CDH13: variants seen among roughly 807,000 people sequenced by gnomAD.
CDH13 encodes the protein cadherin-13.
Under a neutral mutation model 63.8 loss-of-function variants are expected in CDH13, and 24 were observed. That is an observed-to-expected ratio of 0.38 (90% CI 0.27 to 0.53). The LOEUF is 0.53. Among genes scored for constraint, CDH13 ranks in the 20% least tolerant of loss-of-function variants. The probability of loss-of-function intolerance (pLI) is 0.85; values close to 1 mark genes in which losing one functional copy is unlikely to be tolerated. For synonymous variants in CDH13, 503 were observed against 355.3 expected (o/e 1.42, Z -4.67); for missense variants, 1,049 against 903.1 (o/e 1.16, Z -2.07).
At chr16:83,399,659 C>T (rs1021533711) in intron 6 of CDH13, among the ~76,000 whole-genome samples, 1 of 152,200 alleles carries the variant, frequency 6.6e-6, no homozygotes, top group African/African-American at 2.4e-5. Context: ...GGCCATGCAG[C>T]TTTCTCCTTG....
At chr16:83,573,688 G>A (rs1469205623) in intron 7 of CDH13, among the ~76,000 whole-genome samples, 1 of 152,164 alleles carries the variant, frequency 6.6e-6, no homozygotes, top group Admixed American at 6.5e-5. Context: ...GGAAGCCCAA[G>A]TTTTGTCAAT....
chr16:82,734,235 G>A (rs1004642871), intron 1 of CDH13, among the ~76,000 whole-genome samples: 4 of 152,166 alleles, frequency 2.6e-5, no homozygotes, highest in African/African-American at 9.7e-5. Context: ...TGCACTATCT[G>A]TGTCTGTTTT....
At chr16:83,525,086 C>T (rs932154063) in intron 7 of CDH13, among the ~76,000 whole-genome samples, 1 of 152,148 alleles carries the variant, frequency 6.6e-6, no homozygotes, top group Non-Finnish European at 1.5e-5. Context: ...CGGCAATTTA[C>T]TTGTAATGAA....
intron 3 of CDH13, among the ~76,000 whole-genome samples, chr16:83,112,380 C>T (rs1456073442): frequency 6.6e-6 from 1 of 152,078 alleles, no homozygotes; most frequent in Non-Finnish European, 1.5e-5. Context: ...GAGACAGAGA[C>T]ACAGAAAGAC....
intron 13 of CDH13, among the ~76,000 whole-genome samples, chr16:83,786,931 G>C (rs1237275764): frequency 2.0e-5 from 3 of 152,088 alleles, no homozygotes; most frequent in Non-Finnish European, 4.4e-5. Context: ...TACAGGCAAA[G>C]GTAAAATTGC....
intron 7 of CDH13, among the ~76,000 whole-genome samples, chr16:83,580,790 C>A (rs1905522150): frequency 6.6e-6 from 1 of 152,080 alleles, no homozygotes; most frequent in Non-Finnish European, 1.5e-5. Flanking sequence ...CCACACCCAG[C>A]CTGTTCATTT....
chr16:83,482,788 A>G (rs940156758), intron 6 of CDH13, among the ~76,000 whole-genome samples: 3 of 152,204 alleles, frequency 2.0e-5, no homozygotes, highest in Admixed American at 6.5e-5. Flanking sequence ...TATCCACAGT[A>G]GAAACCCAGA....
At chr16:83,484,170 G>A (rs1216983352) in intron 6 of CDH13, among the ~76,000 whole-genome samples, 3 of 152,192 alleles carry the variant, frequency 2.0e-5, no homozygotes, top group Non-Finnish European at 4.4e-5. Flanking sequence ...CTGATACTCT[G>A]ATTCCAGTGG....
At chr16:83,182,212 G>A (rs1221093924) in intron 4 of CDH13, among the ~76,000 whole-genome samples, 2 of 152,268 alleles carry the variant, frequency 1.3e-5, no homozygotes, top group Admixed American at 6.5e-5. Context: ...TGCTAGTCAC[G>A]CCTTACATCA....
intron 5 of CDH13, among the ~76,000 whole-genome samples, chr16:83,256,844 CAAAAAA>C (rs57312967): frequency 3.8e-5 from 3 of 78,712 alleles, no homozygotes; most frequent in African/African-American, 4.8e-5. Flanking sequence ...GACTCCATCT[CAAAAAA>C]AAAAAAAAAA....
intron 3 of CDH13, among the ~76,000 whole-genome samples, chr16:83,072,523 G>A (rs373985393): frequency 1.3e-5 from 2 of 152,144 alleles, no homozygotes; most frequent in African/African-American, 4.8e-5. Context: ...AGAATTTTCT[G>A]TCAAAAGCTA....
intron 6 of CDH13, among the ~76,000 whole-genome samples, chr16:83,349,340 G>A (rs764837455): frequency 2.0e-5 from 3 of 152,110 alleles, no homozygotes; most frequent in Non-Finnish European, 4.4e-5. Context: ...TGAAATTCCT[G>A]GAGGGCACTA....
Position 83,338,663 on chromosome 16 carries a change from T to C in CDH13, c.637-6199T>C, listed in dbSNP as rs567699775. Among the ~76,000 whole-genome samples the C allele has an allele frequency of 6.6e-5, 10 of 152,270 alleles. No homozygotes were observed. In the South Asian group the frequency reaches 2.1e-3, roughly 32 times the overall value. ...GAGTAAGGGAGGCTCTTCTTGATAT[T>C]TGGGCCAAGATCTGAAGGATGAATA... is the stretch of plus-strand genomic sequence containing the variant. On this transcript the variant is annotated intron_variant, in intron 5 of 13. Coordinates refer to ENST00000567109, the MANE Select transcript of CDH13 (RefSeq NM_001257.5).
chr16:83,073,665 C>T (rs1007843994), intron 3 of CDH13, among the ~76,000 whole-genome samples: 1 of 151,904 alleles, frequency 6.6e-6, no homozygotes, highest in African/African-American at 2.4e-5. Context: ...GAAAATGTGG[C>T]CTGCTTAGTC....
chr16:83,043,714 C>G (rs910828089), intron 3 of CDH13, among the ~76,000 whole-genome samples: 2 of 151,820 alleles, frequency 1.3e-5, no homozygotes, highest in Admixed American at 1.3e-4. Context: ...CAAAAATTAG[C>G]TGGGCATGGT....
At chr16:83,175,920 C>G (rs1036883015) in intron 4 of CDH13, among the ~76,000 whole-genome samples, 27 of 149,972 alleles carry the variant, frequency 1.8e-4, no homozygotes, top group Admixed American at 6.0e-4. Context: ...CCTCCGCTTC[C>G]CAGGTTCAAG....
At chr16:83,108,752 C>G (rs1285238719) in intron 3 of CDH13, among the ~76,000 whole-genome samples, 1 of 152,184 alleles carries the variant, frequency 6.6e-6, no homozygotes, top group African/African-American at 2.4e-5. Flanking sequence ...AGTTAGAACA[C>G]ATCAGGCCAG....
chr16:83,256,423 T>C (rs2151830864), intron 5 of CDH13, among the ~76,000 whole-genome samples: 1 of 152,244 alleles, frequency 6.6e-6, no homozygotes, highest in East Asian at 1.9e-4. Context: ...TTTTAAGTAT[T>C]GTCAGCTCAG....
At chr16:82,741,172 T>G (rs1299763456) in intron 1 of CDH13, among the ~76,000 whole-genome samples, 2 of 152,226 alleles carry the variant, frequency 1.3e-5, no homozygotes, top group Non-Finnish European at 2.9e-5. Flanking sequence ...AGCCCATCAG[T>G]GAATCCCTGT....
Sources: allele counts gnomAD v4.1 joint callset (sites outside exome capture counted in the v4.1 genomes callset), GRCh38; gene constraint gnomAD v4.1.1; transcripts MANE v1.5; gene names NCBI Gene and HGNC (gene_info 2026-07-23, HGNC 2026-07-21).